Variants in KIRREL1 observed in about 807,000 individuals in gnomAD.
KIRREL1 encodes the protein kirre like nephrin family adhesion molecule 1, also known as kin of IRRE-like protein 1.
Under a neutral mutation model 83.3 loss-of-function variants are expected in KIRREL1, and 25 were observed. The ratio of observed to expected loss-of-function variants is 0.30; its 90% CI spans 0.22 to 0.42. The LOEUF is 0.42. KIRREL1 is among the 10% of genes least tolerant of loss of function. The pLI, the probability that KIRREL1 is intolerant of heterozygous loss-of-function variation, is 1.00. For synonymous variants in KIRREL1, 388 were observed against 410.4 expected (o/e 0.95, Z 0.66); for missense variants, 812 against 1,032.3 (o/e 0.79, Z 2.92).
intron 1 of KIRREL1, among the ~76,000 whole-genome samples, chr1:158,007,359 G>C (rs977142268): frequency 1.3e-5 from 2 of 152,144 alleles, no homozygotes; most frequent in Non-Finnish European, 2.9e-5. Flanking sequence ...AGGACACCAG[G>C]TGGAGCCCAT....
At chr1:158,035,720 G>T (rs1393604996) in intron 1 of KIRREL1, among the ~76,000 whole-genome samples, 1 of 152,050 alleles carries the variant, frequency 6.6e-6, no homozygotes, top group Non-Finnish European at 1.5e-5. Flanking sequence ...ATGATCTGTC[G>T]GGGCTTTAAA....
intron 3 of KIRREL1, among the ~76,000 whole-genome samples, chr1:158,083,367 G>C (rs553281724): frequency 1.3e-5 from 2 of 152,324 alleles, no homozygotes; most frequent in African/African-American, 4.8e-5. Context: ...CCACCATGGT[G>C]GGGGTGGGCT....
chr1:157,996,161 C>T (rs543257190), intron 1 of KIRREL1, among the ~76,000 whole-genome samples: 2 of 152,048 alleles, frequency 1.3e-5, no homozygotes, highest in South Asian at 4.2e-4. Flanking sequence ...GGAGATTCAG[C>T]CTAGGCTGAG....
intron 1 of KIRREL1, chr1:158,025,646 A>C (rs1660146785): frequency 6.6e-6 from 1 of 151,992 alleles, no homozygotes. Context: ...GAAGAGATGC[A>C]GCCAAGAGCA....
chr1:158,057,122 G>T (rs1371179370), intron 1 of KIRREL1, among the ~76,000 whole-genome samples: 1 of 152,124 alleles, frequency 6.6e-6, no homozygotes, highest in East Asian at 1.9e-4. Flanking sequence ...TGCCTTTGGG[G>T]GCTCTCAGGA....
chr1:157,997,026 A>T (rs991476856), intron 1 of KIRREL1, among the ~76,000 whole-genome samples: 1 of 152,116 alleles, frequency 6.6e-6, no homozygotes, highest in Non-Finnish European at 1.5e-5. Flanking sequence ...CCCCCCTAGG[A>T]CCTCTTTACA....
intron 9 of KIRREL1, 31 bp from the exon 10 acceptor site, chr1:158,089,687 C>T: frequency 6.2e-7 from 1 of 1,614,078 alleles, no homozygotes; most frequent in Non-Finnish European, 8.5e-7. Flanking sequence ...CAGTTTTTAA[C>T]TGGTTCTGAC....
intron 2 of KIRREL1, 26 bp from the exon 3 acceptor site, chr1:158,077,964 TG>T: frequency 6.2e-7 from 1 of 1,612,578 alleles, no homozygotes; most frequent in Non-Finnish European, 8.5e-7. Flanking sequence ...GTTTCAAGGT[TG>T]GGCCTCATTC....
At chr1:158,056,807 T>G (rs1661076349) in intron 1 of KIRREL1, among the ~76,000 whole-genome samples, 1 of 152,188 alleles carries the variant, frequency 6.6e-6, no homozygotes, top group Non-Finnish European at 1.5e-5. Flanking sequence ...AGCCTGGGCT[T>G]GGAGCTATGG....
chr1:158,049,024 G>T (rs1193013956), intron 1 of KIRREL1, among the ~76,000 whole-genome samples: 3 of 152,198 alleles, frequency 2.0e-5, no homozygotes. Flanking sequence ...CTTTCTGGAA[G>T]AGGGAGCATT....
intron 4 of KIRREL1, among the ~76,000 whole-genome samples, chr1:158,085,460 G>A (rs1661987131): frequency 6.6e-6 from 1 of 152,176 alleles, no homozygotes; most frequent in Non-Finnish European, 1.5e-5. Context: ...TGATAATTCA[G>A]CCTCAGTGGT....
chr1:158,075,026 C>T (rs1661636457), intron 1 of KIRREL1, among the ~76,000 whole-genome samples: 3 of 152,096 alleles, frequency 2.0e-5, no homozygotes, highest in African/African-American at 7.2e-5. Context: ...CAGAACTCTC[C>T]TTTGCTGTCC....
rs768392065 is a variant in KIRREL1, at chr1:158,089,536, C to T, written c.1079C>T (p.Ser360Leu). Residue 360 changes from serine (S) to leucine (L), a missense_variant, in exon 9 of 15, where the codon TCG (serine) becomes TTG (leucine). Ser to Leu is a moderately radical substitution (Grantham distance 145, BLOSUM62 -2). Coordinates refer to ENST00000359209, the MANE Select transcript of KIRREL1 (RefSeq NM_018240.7). ...LSNSNQLLLK[S>L]VTQADAGTYT... ...AACAGCAACCAGCTGCTGCTGAAGT[C>T]GGTGACTCAGGCAGACGCTGGCACC... 6.2e-6 allele frequency: 10 copies of T among 1,614,078 alleles called. No individual in the cohort carries two copies. In the East Asian group the frequency reaches 8.9e-5, roughly 14 times the overall value.
At chr1:158,058,657 T>C (rs11801781) in intron 1 of KIRREL1, among the ~76,000 whole-genome samples, 6,109 of 152,270 alleles carry the variant, frequency 0.04, 415 homozygotes, top group African/African-American at 0.14. Context: ...AAGGTCTTTA[T>C]AGCAAGAAAT....
At chr1:158,019,252 G>A (rs967834752) in intron 1 of KIRREL1, among the ~76,000 whole-genome samples, 3 of 152,138 alleles carry the variant, frequency 2.0e-5, no homozygotes, top group African/African-American at 7.2e-5. Context: ...AAGGAATAAA[G>A]AGCTGAGGCA....
intron 1 of KIRREL1, among the ~76,000 whole-genome samples, chr1:158,075,714 C>T (rs1661659889): frequency 6.6e-6 from 1 of 152,108 alleles, no homozygotes; most frequent in Non-Finnish European, 1.5e-5. Flanking sequence ...ACAGCTAGGA[C>T]CTGGATGCAG....
At chr1:158,062,636 T>G (rs1393735708) in intron 1 of KIRREL1, among the ~76,000 whole-genome samples, 1 of 152,266 alleles carries the variant, frequency 6.6e-6, no homozygotes, top group African/African-American at 2.4e-5. Flanking sequence ...AACACTAGTA[T>G]GTTGACGTGT....
chr1:158,035,739 T>C (rs926700904), intron 1 of KIRREL1, among the ~76,000 whole-genome samples: 1 of 152,158 alleles, frequency 6.6e-6, no homozygotes, highest in African/African-American at 2.4e-5. Context: ...AAGAACCACT[T>C]TGATGGAGAC....
At chr1:158,053,907 G>A (rs1660972549) in intron 1 of KIRREL1, among the ~76,000 whole-genome samples, 6 of 152,104 alleles carry the variant, frequency 3.9e-5, no homozygotes, top group Admixed American at 3.9e-4. Flanking sequence ...CAGGACAGAA[G>A]GAATCAAGAA....
Sources: allele counts gnomAD v4.1 joint callset (sites outside exome capture counted in the v4.1 genomes callset), GRCh38; gene constraint gnomAD v4.1.1; transcripts MANE v1.5; gene names NCBI Gene and HGNC (gene_info 2026-07-23, HGNC 2026-07-21).